Variants in PKIG observed in about 807,000 individuals in gnomAD.
The protein encoded by PKIG is cAMP-dependent protein kinase inhibitor gamma.
A neutral mutation model predicts 6.8 loss-of-function variants in PKIG; 1 was observed. The observed-to-expected ratio is 0.15, with a 90% CI of 0.05 to 0.69. The LOEUF (loss-of-function observed/expected upper bound fraction) is 0.69. Among genes scored for constraint, PKIG ranks in the 30% least tolerant of loss-of-function variants. PKIG has a pLI of 0.82. For missense variants in PKIG, 77 were observed against 104.0 expected (o/e 0.74, Z 1.13); for synonymous variants, 39 against 43.0 (o/e 0.91, Z 0.36).
At chr20:44,567,840 G>T (rs138397154) in intron 1 of PKIG, among the ~76,000 whole-genome samples, 7 of 152,292 alleles carry the variant, frequency 4.6e-5, no homozygotes, top group Admixed American at 1.3e-4. Flanking sequence ...CAATGTGTTT[G>T]ATATTTTGAT....
At chr20:44,592,649 C>A (rs1184342802) in intron 2 of PKIG, among the ~76,000 whole-genome samples, 1 of 152,204 alleles carries the variant, frequency 6.6e-6, no homozygotes, top group Non-Finnish European at 1.5e-5. Flanking sequence ...AAGGCCACCC[C>A]CTAATCTGGT....
intron 1 of PKIG, chr20:44,564,408 A>C (rs2064793120): frequency 6.6e-6 from 1 of 151,926 alleles, no homozygotes; most frequent in Admixed American, 6.6e-5. Context: ...ACTTTCTGCT[A>C]CCGTGGTATC....
chr20:44,606,807 A>G (rs943700530), intron 2 of PKIG, among the ~76,000 whole-genome samples: 1 of 152,164 alleles, frequency 6.6e-6, no homozygotes, highest in Admixed American at 6.5e-5. Context: ...AGACTCCATC[A>G]AATAAATAAA....
upstream of PKIG, among the ~76,000 whole-genome samples, chr20:44,577,918 T>C (rs1238518885): frequency 6.6e-6 from 1 of 152,174 alleles, no homozygotes; most frequent in African/African-American, 2.4e-5. Context: ...GTGTTGGAAG[T>C]GGGCCCTGGT....
At chr20:44,544,436 G>T (rs2064592054) in intron 1 of PKIG, among the ~76,000 whole-genome samples, 1 of 152,186 alleles carries the variant, frequency 6.6e-6, no homozygotes, top group Admixed American at 6.5e-5. Flanking sequence ...TAAGTCCAAA[G>T]TAGATAGTCT....
intron 1 of PKIG, among the ~76,000 whole-genome samples, chr20:44,587,812 G>A (rs1034973877): frequency 2.0e-5 from 3 of 152,070 alleles, no homozygotes; most frequent in Non-Finnish European, 4.4e-5. Flanking sequence ...TCTCATGTTT[G>A]TTTGCATATC....
At chr20:44,617,068 G>T (rs181685904) in intron 3 of PKIG, among the ~76,000 whole-genome samples, 88 of 152,316 alleles carry the variant, frequency 5.8e-4, no homozygotes, top group African/African-American at 2.0e-3. Flanking sequence ...AGCTCACCTC[G>T]CTGGGCCTCG....
intron 1 of PKIG, among the ~76,000 whole-genome samples, chr20:44,589,483 T>C (rs1490107921): frequency 2.6e-5 from 4 of 152,230 alleles, no homozygotes; most frequent in Non-Finnish European, 5.9e-5. Flanking sequence ...AGTTGCTGTA[T>C]AGTTTCTCAT....
At chr20:44,564,940 C>G (rs756960897) in intron 1 of PKIG, among the ~76,000 whole-genome samples, 46 of 152,156 alleles carry the variant, frequency 3.0e-4, no homozygotes, top group Admixed American at 2.6e-4. Context: ...TAAGATAAGT[C>G]CTTTGAACAA....
At chr20:44,549,687 T>C (rs2064650111) in intron 1 of PKIG, among the ~76,000 whole-genome samples, 1 of 152,060 alleles carries the variant, frequency 6.6e-6, no homozygotes, top group South Asian at 2.1e-4. Context: ...ATAGCTGACA[T>C]GGTATCACAT....
chr20:44,614,089 G>A lies in PKIG; in HGVS notation c.-23-445G>A, dbSNP rs935887657. On this transcript the variant is annotated intron_variant, in intron 2 of 3. Coordinates refer to ENST00000372886, the MANE Select transcript of PKIG (RefSeq NM_001281445.2). This position sits in a 1 kb window ranked among gnomAD's most constrained non-coding sequence, Gnocchi z 4.6. ...ACTTTGTGACCCCCAGCCTTGATCA[G>A]GTCCCAGTGATCACTCCAGCACCCT... 2.6e-5 allele frequency among the ~76,000 whole-genome samples: 4 copies of A among 152,116 alleles called. No individual in the cohort carries two copies. Among genetic ancestry groups the A allele is most frequent in the African/African-American group, 7.2e-5 (3 of 41,422 alleles).
intron 1 of PKIG, among the ~76,000 whole-genome samples, chr20:44,573,045 G>A (rs1409402479): frequency 6.6e-6 from 1 of 152,190 alleles, no homozygotes; most frequent in Non-Finnish European, 1.5e-5. Context: ...TCTTTTTTCA[G>A]GGCAGAGGCA....
chr20:44,618,460 C>T lies in PKIG; in HGVS notation c.*96C>T. ...GCCCAGCAGCCTCTTCTCTGAGCTC[C>T]ATGTCCCAGATAAACCAGGCCAGAC... On this transcript the variant is annotated 3_prime_UTR_variant, in exon 4 of 4. Transcript: ENST00000372886. The T allele has an allele frequency of 1.2e-6, 1 of 865,818 alleles. No individual in the cohort carries two copies. Among genetic ancestry groups the T allele is most frequent in the South Asian group, 1.3e-5 (1 of 75,016 alleles). The allele number at this position is 865,818 out of a possible 1,614,324, so 53.6% of individuals were successfully genotyped here. A position where few individuals can be genotyped will look rare whatever the true frequency, so the allele number is the denominator to read the frequency against.
chr20:44,582,201 A>G (rs1429613784), upstream of PKIG, among the ~76,000 whole-genome samples: 1 of 152,166 alleles, frequency 6.6e-6, no homozygotes, highest in Non-Finnish European at 1.5e-5. Flanking sequence ...GGTGGGGTGA[A>G]GATCTCCACC....
At chr20:44,568,175 C>T (rs1479144506) in intron 1 of PKIG, among the ~76,000 whole-genome samples, 1 of 152,072 alleles carries the variant, frequency 6.6e-6, no homozygotes, top group Non-Finnish European at 1.5e-5. Flanking sequence ...ATATAAATGT[C>T]TCTCTCATTT....
rs1158453336 is a variant in PKIG, at chr20:44,595,066, G to A, written c.-24+5200G>A. 5.9e-5 allele frequency among the ~76,000 whole-genome samples: 9 copies of A among 152,318 alleles called. No homozygotes were observed. The East Asian group carries it at 1.5e-3, about 26-fold the overall frequency. ...TCTTTTTCTGGCCAAGGCCATTTTA[G>A]GAAGGCTTCTGTTCCAGCTGTGCTG... On this transcript the variant is annotated intron_variant, in intron 2 of 3. Coordinates refer to ENST00000372886, the MANE Select transcript of PKIG (RefSeq NM_001281445.2).
upstream of PKIG, among the ~76,000 whole-genome samples, chr20:44,581,700 T>C (rs2064949686): frequency 6.6e-6 from 1 of 152,218 alleles, no homozygotes; most frequent in Admixed American, 6.5e-5. Context: ...GTGAATTCTT[T>C]TGGTTTTACT....
At chr20:44,558,880 T>C (rs1242108565) in intron 1 of PKIG, among the ~76,000 whole-genome samples, 1 of 152,028 alleles carries the variant, frequency 6.6e-6, no homozygotes, top group Non-Finnish European at 1.5e-5. Flanking sequence ...GTCTCCCAAG[T>C]AGCTGGGACT....
chr20:44,538,320 C>T (rs2064531301), intron 1 of PKIG, among the ~76,000 whole-genome samples: 4 of 152,184 alleles, frequency 2.6e-5, no homozygotes, highest in South Asian at 4.2e-4. Flanking sequence ...TAGGGATTAT[C>T]ATTCCCATTT....
Sources: allele counts gnomAD v4.1 joint callset (sites outside exome capture counted in the v4.1 genomes callset), GRCh38; gene constraint gnomAD v4.1.1; non-coding constraint Gnocchi (gnomAD v3.1); transcripts MANE v1.5; gene names NCBI Gene and HGNC (gene_info 2026-07-23, HGNC 2026-07-21).